The following PLXNA4 variants were observed in gnomAD, a reference collection of about 807,000 sequenced individuals.
PLXNA4 encodes the protein plexin-A4.
A neutral mutation model predicts 191.8 loss-of-function variants in PLXNA4; 44 were observed. The ratio of observed to expected loss-of-function variants is 0.23; its 90% CI spans 0.18 to 0.29. The LOEUF is 0.29. PLXNA4 is among the 10% of genes least tolerant of loss of function. PLXNA4 has a pLI of 1.00. For synonymous variants in PLXNA4, 1,082 were observed against 1,009.5 expected (o/e 1.07, Z -1.36); for missense variants, 1,800 against 2,488.8 (o/e 0.72, Z 5.89).
At chr7:132,634,027 C>T (rs1354946725) in intron 2 of PLXNA4, among the ~76,000 whole-genome samples, 1 of 151,894 alleles carries the variant, frequency 6.6e-6, no homozygotes, top group Non-Finnish European at 1.5e-5. Flanking sequence ...CTTAAACATA[C>T]CCTGAGACTG....
intron 1 of PLXNA4, among the ~76,000 whole-genome samples, chr7:132,516,237 T>TTTAC (rs1441940586): frequency 2.7e-4 from 41 of 151,082 alleles, no homozygotes; most frequent in African/African-American, 9.9e-4. Flanking sequence ...TATTTATTTA[T>TTTAC]TTATTTATTT....
chr7:132,508,901 G>T lies in PLXNA4; in HGVS notation c.-86-122C>A. 9.8e-7 allele frequency: 1 copy of T among 1,019,292 alleles called. No individual in the cohort carries two copies. Among genetic ancestry groups the T allele is most frequent in the Non-Finnish European group, 1.3e-6 (1 of 750,338 alleles). The allele number at this position is 1,019,292 out of a possible 1,614,324, so 63.1% of individuals were successfully genotyped here. ...ACTGAGCAGAACTGCACTGGGGGGTGCTGGAGGCTGACTGAGTCAACCCCC... is the reference window on the plus strand; with the variant it reads ...ACTGAGCAGAACTGCACTGGGGGGTTCTGGAGGCTGACTGAGTCAACCCCC... On this transcript the variant is annotated intron_variant, in intron 1 of 31. Transcript: ENST00000321063. This position sits in a 1 kb window ranked among gnomAD's most constrained non-coding sequence, Gnocchi z 4.4.
chr7:132,241,269 G>T (rs1459179491), intron 4 of PLXNA4, 103 bp from the exon 5 acceptor site: 3 of 782,632 alleles, frequency 3.8e-6, no homozygotes, highest in African/African-American at 1.7e-5. Flanking sequence ...CACCTGAAAT[G>T]TTGCAGGAGC....
At chr7:132,178,707 T>C (rs878975262) in intron 20 of PLXNA4, among the ~76,000 whole-genome samples, 6 of 68,528 alleles carry the variant, frequency 8.8e-5, no homozygotes, top group East Asian at 8.5e-4. Flanking sequence ...CACATACACA[T>C]ACACATACAC....
At chr7:132,261,276 C>T (rs997178103) in intron 4 of PLXNA4, among the ~76,000 whole-genome samples, 4 of 152,154 alleles carry the variant, frequency 2.6e-5, no homozygotes, top group Non-Finnish European at 2.9e-5. Context: ...AGTCCTGCGG[C>T]TGCGATGCCT....
chr7:132,301,868 T>C (rs900723002), intron 3 of PLXNA4, among the ~76,000 whole-genome samples: 1 of 152,236 alleles, frequency 6.6e-6, no homozygotes, highest in Admixed American at 6.5e-5. Flanking sequence ...AAAATTTTTA[T>C]GATGTTGATT....
intron 5 of PLXNA4, among the ~76,000 whole-genome samples, chr7:132,236,235 C>G (rs1308078154): frequency 6.6e-6 from 1 of 152,220 alleles, no homozygotes. Flanking sequence ...TTGCACTGCT[C>G]AATCACATGT....
chr7:132,381,271 T>A (rs1804881629), intron 3 of PLXNA4, among the ~76,000 whole-genome samples: 1 of 152,200 alleles, frequency 6.6e-6, no homozygotes, highest in Admixed American at 6.5e-5. Flanking sequence ...CAAACTCACA[T>A]CTGCAATCTG....
intron 8 of PLXNA4, among the ~76,000 whole-genome samples, chr7:132,224,182 C>A (rs2116960244): frequency 6.6e-6 from 1 of 152,224 alleles, no homozygotes; most frequent in South Asian, 2.1e-4. Flanking sequence ...CCTTAAAAGC[C>A]CAACATGGTT....
At chr7:132,570,180 G>A (rs760463675) in intron 1 of PLXNA4, among the ~76,000 whole-genome samples, 9 of 152,134 alleles carry the variant, frequency 5.9e-5, no homozygotes, top group Admixed American at 4.6e-4. Flanking sequence ...TGCATGTAAT[G>A]CCTATTGACT....
At chr7:132,537,909 GAC>G (rs901806857) in intron 1 of PLXNA4, among the ~76,000 whole-genome samples, 26 of 152,216 alleles carry the variant, frequency 1.7e-4, no homozygotes, top group Non-Finnish European at 1.9e-4. Context: ...GCTCAGCCTG[GAC>G]ACACAGCCTG....
In PLXNA4 at chr7:132,507,890, G is replaced by A. The variant is rs189555708; in HGVS notation, c.804C>T (p.Gly268=). ...TATACACCTGCTCCTTGGTGGTGGA[G>A]CCTGGTGGAGACACCATCTCAGGTT... ...TLQPEMVSPP[G]STTKEQVYTS... is the part of the protein sequence containing the mutation. Residue 268 remains glycine (G), a synonymous_variant, in exon 2 of 32, where the codon GGC becomes GGT. Coordinates refer to ENST00000321063, the MANE Select transcript of PLXNA4 (RefSeq NM_020911.2). The A allele has an allele frequency of 6.2e-7, 1 of 1,614,158 alleles. No individual in the cohort carries two copies. The highest frequency in any genetic ancestry group is 8.5e-7 in the Non-Finnish European group (1 of 1,180,018).
In PLXNA4 at chr7:132,238,817, G is replaced by A. The variant is rs543560200; in HGVS notation, c.1604+2249C>T. Among the ~76,000 whole-genome samples the A allele has an allele frequency of 1.5e-4, 23 of 152,276 alleles. No homozygotes were observed. The South Asian group carries it at 4.4e-3, about 29-fold the overall frequency. ...CAGGGATCAACAGAGTCACAAGAGG[G>A]GGGGGGGCACCCATGAGCTCACAGT... On this transcript the variant is annotated intron_variant, in intron 5 of 31. Transcript: ENST00000321063.
intron 2 of PLXNA4, among the ~76,000 whole-genome samples, chr7:132,640,011 C>G (rs73724102): frequency 0.035 from 5,330 of 152,320 alleles, 478 homozygotes; most frequent in East Asian, 0.28. Flanking sequence ...CTCCAATATT[C>G]TAGCGTTGCG....
At chr7:132,460,884 C>A (rs1394552416) in intron 3 of PLXNA4, among the ~76,000 whole-genome samples, 1 of 152,028 alleles carries the variant, frequency 6.6e-6, no homozygotes, top group Admixed American at 6.6e-5. Flanking sequence ...CACAGCCTCT[C>A]TTTGTAAGGC....
chr7:132,451,138 G>A (rs930143207), intron 3 of PLXNA4, among the ~76,000 whole-genome samples: 4 of 152,162 alleles, frequency 2.6e-5, no homozygotes, highest in African/African-American at 9.7e-5. Flanking sequence ...AGGAGCGTGA[G>A]GCCAGGTGTG....
At chr7:132,146,416 T>C (rs896638123) in intron 28 of PLXNA4, 94 bp downstream of exon 28, 7 of 1,604,492 alleles carry the variant, frequency 4.4e-6, no homozygotes, top group Non-Finnish European at 6.0e-6. Context: ...CCAGCATGAA[T>C]GCTGGGTACT....
intron 2 of PLXNA4, among the ~76,000 whole-genome samples, chr7:132,622,478 T>C (rs909085010): frequency 6.6e-6 from 1 of 151,868 alleles, no homozygotes; most frequent in Non-Finnish European, 1.5e-5. Flanking sequence ...CCTGGGCATA[T>C]AGGTATACCT....
intron 3 of PLXNA4, among the ~76,000 whole-genome samples, chr7:132,333,935 C>A (rs772480079): frequency 6.6e-6 from 1 of 152,192 alleles, no homozygotes; most frequent in Non-Finnish European, 1.5e-5. Flanking sequence ...TCTCCGGGGT[C>A]CTGGAAGACC....
Sources: allele counts gnomAD v4.1 joint callset (sites outside exome capture counted in the v4.1 genomes callset), GRCh38; gene constraint gnomAD v4.1.1; non-coding constraint Gnocchi (gnomAD v3.1); transcripts MANE v1.5; gene names NCBI Gene and HGNC (gene_info 2026-07-23, HGNC 2026-07-21).